The following ZNF821 variants were observed in gnomAD, a reference collection of about 807,000 sequenced individuals.
The protein encoded by ZNF821 is zinc finger protein 821.
In ZNF821, 16 loss-of-function variants were observed where a neutral mutation model predicts 44.3. The ratio of observed to expected loss-of-function variants is 0.36; its 90% CI spans 0.24 to 0.55. The LOEUF (loss-of-function observed/expected upper bound fraction) is 0.55. Among genes scored for constraint, ZNF821 ranks in the 20% least tolerant of loss-of-function variants. The pLI, the probability that ZNF821 is intolerant of heterozygous loss-of-function variation, is 0.86. For synonymous variants in ZNF821, 204 were observed against 197.6 expected (o/e 1.03, Z -0.27); for missense variants, 436 against 547.6 (o/e 0.80, Z 2.03).
At chr16:71,870,180 C>T (rs1247470682) in intron 3 of ZNF821, among the ~76,000 whole-genome samples, 4 of 152,092 alleles carry the variant, frequency 2.6e-5, no homozygotes, top group Admixed American at 2.6e-4. Flanking sequence ...CATGAGTTAT[C>T]ATGCTTGGAT....
At chr16:71,892,647 T>C (rs1210111748) in intron 1 of ZNF821, among the ~76,000 whole-genome samples, 24 of 145,260 alleles carry the variant, frequency 1.7e-4, no homozygotes, top group Admixed American at 8.8e-4. Context: ...TCTCGGCTCA[T>C]TGCAACCTCC....
rs1419636557 is a variant in ZNF821, at chr16:71,860,517, A to G, written c.740T>C (p.Leu247Pro). ...TACACTGGGAGTCTGGGCTTCCAGC[A>G]GTTTACGGTAGGCAGCACAGTTGTT... is the stretch of plus-strand genomic sequence containing the variant. ...VCNNCAAYRK[L>P]LEAQTPSVRK... The change falls in exon 8 of 8, where the codon CTG becomes CCG. Residue 247 changes from leucine (L) to proline (P), a missense_variant. Physicochemically the swap from Leu to Pro is moderately conservative, Grantham distance 98 (BLOSUM62 -3). This residue lies in a region of ZNF821 where 68 missense variants were observed against 57.0 expected (regional missense o/e 1.19). Coordinates refer to ENST00000425432, the MANE Select transcript of ZNF821 (RefSeq NM_001201552.2). The surrounding 1 kb of genome is among the most constrained non-coding windows in gnomAD (Gnocchi z 7.3). 1.9e-6 allele frequency: 3 copies of G among 1,614,108 alleles called. No homozygotes were observed. Among genetic ancestry groups the G allele is most frequent in the Admixed American group, 1.7e-5 (1 of 60,018 alleles).
At chr16:71,867,815 C>T in intron 4 of ZNF821, 97 bp downstream of exon 4, 4 of 1,448,342 alleles carry the variant, frequency 2.8e-6, no homozygotes, top group Admixed American at 2.2e-5. Context: ...TTTTTCATGT[C>T]TTTCTCCCAA....
intron 3 of ZNF821, among the ~76,000 whole-genome samples, chr16:71,878,050 G>T: frequency 6.8e-6 from 1 of 147,448 alleles, no homozygotes; most frequent in African/African-American, 2.5e-5. Flanking sequence ...TTATACCTCT[G>T]AATTCTCTTC....
chr16:71,870,021 ACT>A (rs2035008150), intron 3 of ZNF821, among the ~76,000 whole-genome samples: 1 of 152,116 alleles, frequency 6.6e-6, no homozygotes, highest in African/African-American at 2.4e-5. Flanking sequence ...CTGAAAACAA[ACT>A]CTTATCTCTG....
intron 1 of ZNF821, among the ~76,000 whole-genome samples, chr16:71,891,722 A>G (rs892369549): frequency 1.7e-4 from 26 of 152,290 alleles, no homozygotes; most frequent in African/African-American, 6.3e-4. Flanking sequence ...AAAAATACAA[A>G]AAATCGGCCA....
At chr16:71,876,955 G>A (rs758939524) in intron 3 of ZNF821, among the ~76,000 whole-genome samples, 3 of 152,098 alleles carry the variant, frequency 2.0e-5, no homozygotes, top group Admixed American at 6.5e-5. Flanking sequence ...CAAGCCCACT[G>A]CATTTTGCTG....
At chr16:71,866,257 A>G (rs1190359150) in intron 4 of ZNF821, among the ~76,000 whole-genome samples, 3 of 152,238 alleles carry the variant, frequency 2.0e-5, no homozygotes, top group African/African-American at 7.2e-5. Context: ...CACCAGTATG[A>G]GAGCAACATA....
intron 3 of ZNF821, among the ~76,000 whole-genome samples, chr16:71,879,326 CT>C (rs2036184996): frequency 6.6e-6 from 1 of 152,102 alleles, no homozygotes; most frequent in Admixed American, 6.6e-5. Flanking sequence ...CTCCCTGCCT[CT>C]TGTTTTTTAA....
chr16:71,864,201 G>C lies in ZNF821; in HGVS notation c.354C>G (p.Cys118Trp), dbSNP rs770765636. The C allele has an allele frequency of 1.9e-6, 3 of 1,614,112 alleles. No individual in the cohort carries two copies. In the African/African-American group the frequency reaches 4.0e-5, roughly 22 times the overall value. Reference sequence around the variant, plus strand: ...AGTCTAGCTGGCAGAGGGGACACTGGCAGAGTTCAAGCAAGGGGTCAGAAT... The same window carrying C: ...AGTCTAGCTGGCAGAGGGGACACTGCCAGAGTTCAAGCAAGGGGTCAGAAT... ...NLNSDPLLEL[C>W]QCPLCQLDCG... The change falls in exon 6 of 8, where the codon TGC becomes TGG. Residue 118 changes from cysteine (C) to tryptophan (W), a missense_variant. Cys to Trp is a radical substitution (Grantham distance 215). Coordinates refer to ENST00000425432, the MANE Select transcript of ZNF821 (RefSeq NM_001201552.2).
chr16:71,890,390 CTTT>C (rs11298803), intron 1 of ZNF821, among the ~76,000 whole-genome samples: 1 of 145,510 alleles, frequency 6.9e-6, no homozygotes. Context: ...AGTCAGCAAA[CTTT>C]TTTTTTTTTT....
At chr16:71,870,053 C>T (rs971652692) in intron 3 of ZNF821, among the ~76,000 whole-genome samples, 2 of 152,190 alleles carry the variant, frequency 1.3e-5, no homozygotes, top group African/African-American at 4.8e-5. Flanking sequence ...GGCTCTGATC[C>T]TAGTGTTAGT....
At position 71,860,625 on chromosome 16, in the gene ZNF821, T is replaced by C; in HGVS notation, c.632A>G (p.His211Arg). 6.2e-7 allele frequency: 1 copy of C among 1,614,108 alleles called. No individual in the cohort carries two copies. Among genetic ancestry groups the C allele is most frequent in the Non-Finnish European group, 8.5e-7 (1 of 1,180,032 alleles). Residue 211 changes from histidine to arginine, a missense_variant, in exon 8 of 8, where the codon CAC becomes CGC. His to Arg is a conservative substitution (Grantham distance 29, BLOSUM62 0). Transcript: ENST00000425432. This position sits in a 1 kb window ranked among gnomAD's most constrained non-coding sequence, Gnocchi z 7.3. ...VLNMESLPTV[H>R]NEGPSSAEGK... ...CTCAGCACTGGAGGGACCCTCATTG[T>C]GGACTGTGGGTAGGGATTCCATATT...
intron 3 of ZNF821, among the ~76,000 whole-genome samples, chr16:71,875,500 C>G (rs2035706133): frequency 6.7e-6 from 1 of 149,930 alleles, no homozygotes; most frequent in Non-Finnish European, 1.5e-5. Context: ...GTCACCCAGG[C>G]TGGAGCGCAG....
intron 3 of ZNF821, among the ~76,000 whole-genome samples, chr16:71,874,450 T>A (rs1198729198): frequency 6.6e-6 from 1 of 152,152 alleles, no homozygotes; most frequent in Non-Finnish European, 1.5e-5. Context: ...TCATTTACTT[T>A]ATTTTGTGTA....
At chr16:71,881,753 T>A (rs910104357) in intron 2 of ZNF821, 1 of 152,150 alleles carries the variant, frequency 6.6e-6, no homozygotes, top group Non-Finnish European at 1.5e-5. Context: ...GGCAGGCAGA[T>A]CACTTGAGGC....
intron 1 of ZNF821, 188 bp downstream of exon 1, chr16:71,883,720 G>A (rs1218054621): frequency 6.6e-6 from 1 of 152,538 alleles, no homozygotes; most frequent in Non-Finnish European, 1.5e-5. Context: ...GGGGCAGCAG[G>A]AGGAGCGGCC....
intron 1 of ZNF821, chr16:71,894,577 G>A: frequency 2.5e-6 from 1 of 397,276 alleles, no homozygotes; most frequent in South Asian, 3.2e-5. Context: ...CTAGGCTGGA[G>A]TGCTGTGACG....
intron 7 of ZNF821, 76 bp downstream of exon 7, chr16:71,861,700 T>G (rs1356665056): frequency 1.9e-6 from 3 of 1,580,048 alleles, no homozygotes; most frequent in Non-Finnish European, 2.6e-6. Flanking sequence ...TTTCTAGCCT[T>G]CGCTTTGACT....
Sources: allele counts gnomAD v4.1 joint callset (sites outside exome capture counted in the v4.1 genomes callset), GRCh38; gene constraint gnomAD v4.1.1; regional missense constraint gnomAD v4.1.1; non-coding constraint Gnocchi (gnomAD v3.1); transcripts MANE v1.5; gene names NCBI Gene and HGNC (gene_info 2026-07-23, HGNC 2026-07-21).